FAM114A2: variants seen among roughly 807,000 people sequenced by gnomAD.
FAM114A2 encodes family with sequence similarity 114 member A2.
Under a neutral mutation model 58.4 loss-of-function variants are expected in FAM114A2, and 53 were observed. The ratio of observed to expected loss-of-function variants is 0.91; its 90% CI spans 0.73 to 1.14. FAM114A2 has a LOEUF of 1.14. Ranked by LOEUF, FAM114A2 falls within the 50% of genes most tolerant of loss-of-function variation. The pLI is 0.00. For missense variants in FAM114A2, 601 were observed against 581.1 expected, an observed-to-expected ratio of 1.03 and a Z score of -0.35; for synonymous variants, 228 against 211.4, an observed-to-expected ratio of 1.08 and a Z score of -0.68.
At position 153,993,336 on chromosome 5, in the gene FAM114A2, C is replaced by G. The variant is rs534743850; in HGVS notation, c.1384-226G>C. 7.4e-5 allele frequency among the ~76,000 whole-genome samples: 11 copies of G among 149,440 alleles called. No individual in the cohort carries two copies. The South Asian group carries it at 2.3e-3, about 31-fold the overall frequency. ...AAGAGAATGTCAGCATTTTGTACAA[C>G]TTGCCCATCAGACATGGTAGCTTTT... On this transcript the variant is annotated intron_variant, in intron 13 of 13. Transcript: ENST00000351797.
rs1454335101 is a variant in FAM114A2 at position 154,004,430 on chromosome 5, G to C, written c.994-1461C>G. 2.0e-5 allele frequency among the ~76,000 whole-genome samples: 3 copies of C among 152,072 alleles called. No individual in the cohort carries two copies. The East Asian group carries it at 5.8e-4, about 29-fold the overall frequency. On this transcript the variant is annotated intron_variant, in intron 9 of 13. Coordinates refer to ENST00000351797, the MANE Select transcript of FAM114A2 (RefSeq NM_018691.4). ...CAGTGGTTTCAACTATCCTCAACCT[G>C]CTGTTGACTCTTAGATCCTTATTTC...
At chr5:154,021,689 G>A (rs1771430275) in intron 8 of FAM114A2, among the ~76,000 whole-genome samples, 2 of 152,150 alleles carry the variant, frequency 1.3e-5, no homozygotes, top group African/African-American at 4.8e-5. Context: ...TCATAGAGAG[G>A]AAGAATCAAT....
chr5:154,011,145 G>T, intron 9 of FAM114A2, 96 bp downstream of exon 9: 2 of 906,072 alleles, frequency 2.2e-6, no homozygotes, highest in South Asian at 1.6e-5. Flanking sequence ...CTTCGATTTT[G>T]GTGACACCTC....
intron 9 of FAM114A2, 47 bp downstream of exon 9, chr5:154,011,194 A>AT: frequency 1.4e-6 from 2 of 1,399,814 alleles, no homozygotes; most frequent in Non-Finnish European, 2.0e-6. Flanking sequence ...TATCCACTAC[A>AT]TTTTTACAAG....
At chr5:154,034,704 A>G (rs372228557) in intron 2 of FAM114A2, 40 bp downstream of exon 2, 8 of 1,423,694 alleles carry the variant, frequency 5.6e-6, no homozygotes, top group Non-Finnish European at 6.9e-6. Flanking sequence ...TAATCCTAAT[A>G]TTTTAATAGA....
intron 8 of FAM114A2, among the ~76,000 whole-genome samples, chr5:154,022,268 A>G (rs1367268665): frequency 5.3e-5 from 8 of 152,246 alleles, no homozygotes; most frequent in African/African-American, 1.9e-4. Context: ...TGGCAACAAA[A>G]GCCAAAACAG....
chr5:154,026,420 C>A lies in FAM114A2; in HGVS notation c.892G>T (p.Glu298Ter). 6.3e-7 allele frequency: 1 copy of A among 1,579,166 alleles called. No individual in the cohort carries two copies. Among genetic ancestry groups the A allele is most frequent in the Non-Finnish European group, 8.6e-7 (1 of 1,166,052 alleles). The change falls in exon 8 of 14, where the codon GAA becomes TAA. Residue 298 changes from glutamate (E) to a stop codon, truncating the protein, a stop_gained. Transcript: ENST00000351797. LOFTEE classifies it high-confidence loss of function. ...ETFSLAEFCE[E>*]EEEEKKGDED... ...TTACCTTTTTTCTCTTCTTCCTCTT[C>A]TTCACAAAATTCTGCTAGAGAAAAT...
At chr5:154,003,072 T>C in intron 9 of FAM114A2, 103 bp from the exon 10 acceptor site, 1 of 988,386 alleles carries the variant, frequency 1.0e-6, no homozygotes, top group South Asian at 1.4e-5. Context: ...AGGGCTCCTG[T>C]TCTTACCTGA....
At chr5:154,027,390 TTC>T in intron 6 of FAM114A2, 56 bp from the exon 7 acceptor site, 1 of 1,458,658 alleles carries the variant, frequency 6.9e-7, no homozygotes, top group Non-Finnish European at 9.3e-7. Context: ...CAAGGGTGAG[TTC>T]TGAGAATTGA....
At chr5:154,023,002 T>G (rs1034642059) in intron 8 of FAM114A2, among the ~76,000 whole-genome samples, 75 of 152,168 alleles carry the variant, frequency 4.9e-4, no homozygotes, top group Non-Finnish European at 1.8e-4. Context: ...TGGATGAAGC[T>G]GGAAACCATC....
intron 12 of FAM114A2, 113 bp downstream of exon 12, chr5:153,997,690 A>C: frequency 1.4e-6 from 1 of 690,916 alleles, no homozygotes; most frequent in African/African-American, 1.8e-5. Flanking sequence ...CTGTAAATAT[A>C]CTAAAAACTA....
intron 8 of FAM114A2, among the ~76,000 whole-genome samples, chr5:154,019,420 G>A (rs2113384545): frequency 6.6e-6 from 1 of 152,290 alleles, no homozygotes; most frequent in East Asian, 1.9e-4. Flanking sequence ...CATGCTCATG[G>A]ATGGTAGAAT....
At chr5:154,023,982 G>A (rs1771615887) in intron 8 of FAM114A2, among the ~76,000 whole-genome samples, 1 of 152,100 alleles carries the variant, frequency 6.6e-6, no homozygotes, top group African/African-American at 2.4e-5. Context: ...AGAGCTCTTT[G>A]CTTTTAATAG....
chr5:154,036,621 C>T (rs1365671491), intron 1 of FAM114A2: 2 of 152,078 alleles, frequency 1.3e-5, no homozygotes, highest in African/African-American at 4.8e-5. Flanking sequence ...GTCCAACACA[C>T]AAAATGCTGA....
At chr5:154,006,331 A>G (rs1477964516) in intron 9 of FAM114A2, among the ~76,000 whole-genome samples, 1 of 152,188 alleles carries the variant, frequency 6.6e-6, no homozygotes, top group East Asian at 1.9e-4. Context: ...AAACATACAT[A>G]AAGAAAATAA....
At chr5:154,037,978 G>C (rs1561583839) in intron 1 of FAM114A2, among the ~76,000 whole-genome samples, 1 of 151,532 alleles carries the variant, frequency 6.6e-6, no homozygotes, top group Non-Finnish European at 1.5e-5. Context: ...CATTACTATC[G>C]TTATTAGAAT....
chr5:154,011,748 T>C (rs972347902), intron 8 of FAM114A2, among the ~76,000 whole-genome samples: 5 of 151,972 alleles, frequency 3.3e-5, no homozygotes, highest in Admixed American at 3.3e-4. Flanking sequence ...TCCAAGAAAG[T>C]GGAGTTTAAG....
chr5:153,999,941 GTA>G (rs1355708304), intron 11 of FAM114A2, among the ~76,000 whole-genome samples: 2 of 152,016 alleles, frequency 1.3e-5, no homozygotes, highest in Non-Finnish European at 2.9e-5. Flanking sequence ...GTGTATATAT[GTA>G]TGTGTGTGTA....
rs1167118089 is a variant in FAM114A2 at position 153,990,621 on chromosome 5, G to A, written c.*2355C>T. On this transcript the variant is annotated 3_prime_UTR_variant, in exon 14 of 14. Transcript: ENST00000351797. ...TTCATAGAGGTTTCTACTTCTTTCA[G>A]ATCAAATTAATAAAGTCTCTCTTAA... is the stretch of plus-strand genomic sequence containing the variant. 1 of 151,968 alleles carries A rather than the reference G, an allele frequency of 6.6e-6. No individual in the cohort carries two copies. Among genetic ancestry groups the A allele is most frequent in the Non-Finnish European group, 1.5e-5 (1 of 68,004 alleles). 9.4% of individuals were successfully genotyped at this position (151,968 alleles called of 1,614,324 possible).
Sources: allele counts gnomAD v4.1 joint callset (sites outside exome capture counted in the v4.1 genomes callset), GRCh38; gene constraint gnomAD v4.1.1; transcripts MANE v1.5; gene names NCBI Gene and HGNC (gene_info 2026-07-23, HGNC 2026-07-21).